AACS: variants seen among roughly 807,000 people sequenced by gnomAD.
AACS encodes acetoacetate-CoA ligase.
In AACS, 69 loss-of-function variants were observed where a neutral mutation model predicts 83.1. That is an observed-to-expected ratio of 0.83 (90% CI 0.68 to 1.01). AACS has a LOEUF of 1.01. Among genes scored for constraint, AACS ranks in the 50% least tolerant of loss-of-function variants. The pLI, the probability that AACS is intolerant of heterozygous loss-of-function variation, is 0.00. For missense variants in AACS, 866 were observed against 882.2 expected (o/e 0.98, Z 0.23); for synonymous variants, 333 against 343.4 (o/e 0.97, Z 0.33).
intron 6 of AACS, 80 bp downstream of exon 6, chr12:125,102,873 G>A (rs1956745164): frequency 6.9e-7 from 1 of 1,458,244 alleles, no homozygotes; most frequent in African/African-American, 1.4e-5. Context: ...AGTCAATCTG[G>A]GTAGTCTCTG....
chr12:125,076,542 A>C lies in AACS; in HGVS notation c.289A>C (p.Ser97Arg). The change falls in exon 3 of 18, where the codon AGT becomes CGT. Residue 97 changes from serine to arginine, a missense_variant. Ser to Arg is a moderately radical substitution (Grantham distance 110). Coordinates refer to ENST00000316519, the MANE Select transcript of AACS (RefSeq NM_023928.5). ...IADVPEWFKG[S>R]RLNYAENLLR... is the part of the protein sequence containing the mutation. The stretch of plus-strand genomic sequence containing the variant: ...AGATGTCCCCGAGTGGTTCAAAGGC[A>C]GTCGGCTCAACTATGCAGAAAACCT... 1 of 1,614,222 alleles carries C rather than the reference A, an allele frequency of 6.2e-7. No homozygotes were observed. Among genetic ancestry groups the C allele is most frequent in the Non-Finnish European group, 8.5e-7 (1 of 1,180,032 alleles).
intron 8 of AACS, among the ~76,000 whole-genome samples, chr12:125,112,454 G>A (rs902918756): frequency 2.0e-5 from 3 of 152,098 alleles, no homozygotes; most frequent in Non-Finnish European, 4.4e-5. Flanking sequence ...GCCAAGGTGG[G>A]CAGATCACAA....
Position 125,142,239 on chromosome 12 carries a change from G to C in AACS, c.*10G>C, listed in dbSNP as rs3751179. On this transcript the variant is annotated 3_prime_UTR_variant, in exon 18 of 18. Transcript: ENST00000316519. ...GCTGCAGGGCTTCTGAGTCAGACTG[G>C]CTGGCGTGTCACTCAGCCGCACCCG... 0.024 allele frequency: 39,504 copies of C among 1,613,162 alleles called. 1,290 individuals carry two copies. Among genetic ancestry groups the C allele is most frequent in the Admixed American group, 0.15 (8,892 of 59,874 alleles).
intron 5 of AACS, among the ~76,000 whole-genome samples, chr12:125,092,310 C>T (rs147455911): frequency 1.2e-4 from 19 of 152,378 alleles, no homozygotes; most frequent in Admixed American, 6.5e-4. Context: ...GGCCCTGTGC[C>T]GTCCGTCAGT....
At chr12:125,078,618 C>T (rs1022072048) in intron 3 of AACS, among the ~76,000 whole-genome samples, 4 of 152,144 alleles carry the variant, frequency 2.6e-5, no homozygotes, top group African/African-American at 7.2e-5. Flanking sequence ...GTCAGGAGTT[C>T]GAGACCAGCC....
intron 3 of AACS, among the ~76,000 whole-genome samples, chr12:125,082,850 AAG>A (rs779294237): frequency 1.3e-5 from 2 of 151,930 alleles, no homozygotes; most frequent in Non-Finnish European, 2.9e-5. Context: ...CACACACACA[AAG>A]AGGTAATTCA....
intron 3 of AACS, among the ~76,000 whole-genome samples, chr12:125,086,039 C>T (rs1663256210): frequency 3.3e-5 from 5 of 152,212 alleles, no homozygotes; most frequent in Admixed American, 2.0e-4. Flanking sequence ...AGTCCTCCCA[C>T]CTCAGCCTCC....
intron 3 of AACS, among the ~76,000 whole-genome samples, chr12:125,080,387 A>G (rs1265812370): frequency 6.6e-6 from 1 of 152,088 alleles, no homozygotes; most frequent in Non-Finnish European, 1.5e-5. Flanking sequence ...CTAAAAATAT[A>G]CTTGATTCCT....
chr12:125,102,970 C>A (rs748140212), intron 6 of AACS, 30 bp from the exon 7 acceptor site: 2 of 1,586,026 alleles, frequency 1.3e-6, no homozygotes, highest in Non-Finnish European at 1.7e-6. Context: ...TGTCCTGTAA[C>A]CTTGTGTTTT....
intron 16 of AACS, among the ~76,000 whole-genome samples, chr12:125,135,411 T>C (rs768936166): frequency 6.6e-6 from 1 of 152,100 alleles, no homozygotes; most frequent in Non-Finnish European, 1.5e-5. Context: ...TGTCTACTCT[T>C]TATGGTTGAA....
chr12:125,066,505 A>C (rs1459281429), intron 1 of AACS, among the ~76,000 whole-genome samples: 1 of 142,062 alleles, frequency 7.0e-6, no homozygotes, highest in Non-Finnish European at 1.5e-5. Context: ...GCTGGAGTGC[A>C]ATGGCGAGAT....
intron 3 of AACS, among the ~76,000 whole-genome samples, chr12:125,080,865 G>A (rs56217065): frequency 6.6e-6 from 1 of 151,466 alleles, no homozygotes; most frequent in African/African-American, 2.4e-5. Context: ...CTAATTTTTT[G>A]TATTTTTAGT....
In AACS at chr12:125,136,734, T is replaced by G. The variant is rs776816794; in HGVS notation, c.1751T>G (p.Ile584Ser). ...QYNKYREERV[I>S]LFLKMASGHA... is the part of the protein sequence containing the mutation. ...AACAAGTACAGGGAGGAGAGGGTGA[T>G]CCTCTTCCTGAAGATGGCCTCCGGG... Residue 584 changes from isoleucine (I) to serine (S), a missense_variant, in exon 17 of 18, where the codon ATC (isoleucine) becomes AGC (serine). Physicochemically the swap from Ile to Ser is moderately radical, Grantham distance 142. Transcript: ENST00000316519. 3.1e-6 allele frequency: 5 copies of G among 1,613,962 alleles called. No individual in the cohort carries two copies. The highest frequency in any genetic ancestry group is 3.4e-6 in the Non-Finnish European group (4 of 1,180,036).
intron 14 of AACS, among the ~76,000 whole-genome samples, chr12:125,131,848 C>T (rs1188773354): frequency 6.6e-6 from 1 of 152,226 alleles, no homozygotes; most frequent in Non-Finnish European, 1.5e-5. Context: ...CCACCCACCT[C>T]GGCCTCCCAA....
rs201529469 is a variant in AACS, at chr12:125,136,794, G to A, written c.1811G>A (p.Arg604His). ...AFQPDLVKRI[R>H]DAIRMGLSAR... ...CAGCCTGACTTGGTTAAGAGGATCC[G>A]TGACGCCATCCGCATGGGCTTGTCT... is the stretch of plus-strand genomic sequence containing the variant. Residue 604 changes from arginine (R) to histidine (H), a missense_variant, in exon 17 of 18, where the codon CGT becomes CAT. Coordinates refer to ENST00000316519, the MANE Select transcript of AACS (RefSeq NM_023928.5). 6 of 1,613,956 alleles carry A rather than the reference G, an allele frequency of 3.7e-6. No individual in the cohort carries two copies. The highest frequency in any genetic ancestry group is 1.6e-4 in the Middle Eastern group (1 of 6,084).
chr12:125,132,460 G>A (rs1957341842), intron 14 of AACS, among the ~76,000 whole-genome samples: 1 of 152,160 alleles, frequency 6.6e-6, no homozygotes, highest in South Asian at 2.1e-4. Flanking sequence ...CCAGGTGAGC[G>A]GCACAGGCTT....
At chr12:125,111,707 C>T (rs1029166906) in intron 8 of AACS, among the ~76,000 whole-genome samples, 7 of 152,168 alleles carry the variant, frequency 4.6e-5, no homozygotes, top group Non-Finnish European at 7.3e-5. Context: ...CTTCCTAAGT[C>T]TGTGAAAGGT....
chr12:125,082,197 G>C (rs1956207326), intron 3 of AACS, among the ~76,000 whole-genome samples: 1 of 149,946 alleles, frequency 6.7e-6, no homozygotes, highest in South Asian at 2.1e-4. Context: ...TTGGAGACAG[G>C]GTCTTGATTT....
At chr12:125,141,858 A>G (rs1593019414) in intron 17 of AACS, 1 of 504,228 alleles carries the variant, frequency 2.0e-6, no homozygotes, top group Admixed American at 3.4e-5. Flanking sequence ...AGTCCTTGAA[A>G]GTGCCTTTCA....
Sources: allele counts gnomAD v4.1 joint callset (sites outside exome capture counted in the v4.1 genomes callset), GRCh38; gene constraint gnomAD v4.1.1; transcripts MANE v1.5; gene names NCBI Gene and HGNC (gene_info 2026-07-23, HGNC 2026-07-21).